The following UNC13C variants were observed in gnomAD, a reference collection of about 807,000 sequenced individuals.
The protein encoded by UNC13C is protein unc-13 homolog C.
In UNC13C, 174 loss-of-function variants were observed where a neutral mutation model predicts 245.4. That is an observed-to-expected ratio of 0.71 (90% CI 0.63 to 0.80). The LOEUF (loss-of-function observed/expected upper bound fraction) is 0.80, where lower values mean the gene tolerates loss of function less well. Among genes scored for constraint, UNC13C ranks in the 30% least tolerant of loss-of-function variants. The pLI is 0.00. For synonymous variants in UNC13C, 992 were observed against 895.1 expected (o/e 1.11, Z -1.93); for missense variants, 2,829 against 2,602.9 (o/e 1.09, Z -1.89).
intron 19 of UNC13C, among the ~76,000 whole-genome samples, chr15:54,484,681 T>G (rs1004686262): frequency 1.3e-5 from 2 of 152,114 alleles, no homozygotes; most frequent in Non-Finnish European, 2.9e-5. Context: ...AATAAGGAGA[T>G]GAAGGCAAAT....
rs1901306366 is a variant in UNC13C at position 54,628,157 on chromosome 15, G to GTAGGAGAACA, written c.*1045_*1054dup. 1 of 152,132 alleles carries GTAGGAGAACA rather than the reference G, an allele frequency of 6.6e-6. No homozygotes were observed. Among genetic ancestry groups the GTAGGAGAACA allele is most frequent in the Non-Finnish European group, 1.5e-5 (1 of 67,996 alleles). 9.4% of individuals were successfully genotyped at this position (152,132 alleles called of 1,614,324 possible). ...ATAAGCCCCAAATGCATCAAATGCA[G>GTAGGAGAACA]TAGGAGAACAATGTAATACAGCTTG... On this transcript the variant is annotated 3_prime_UTR_variant, in exon 33 of 33. Coordinates refer to ENST00000260323, the MANE Select transcript of UNC13C (RefSeq NM_001080534.3).
chr15:54,560,174 C>G (rs562420588), intron 29 of UNC13C, among the ~76,000 whole-genome samples: 18 of 151,932 alleles, frequency 1.2e-4, no homozygotes, highest in Admixed American at 7.2e-4. Context: ...AAATATGATA[C>G]AGGTGTTGGA....
chr15:53,976,883 T>C (rs1447102776), upstream of UNC13C: 1 of 152,210 alleles, frequency 6.6e-6, no homozygotes, highest in Non-Finnish European at 1.5e-5. Context: ...TCTCTATGTA[T>C]TAAAACACGT....
intron 20 of UNC13C, among the ~76,000 whole-genome samples, chr15:54,498,005 A>G (rs1225299102): frequency 1.3e-5 from 2 of 152,122 alleles, no homozygotes; most frequent in Admixed American, 6.6e-5. Context: ...CTAAATAACT[A>G]TCTGGAGATT....
At chr15:53,999,085 A>G (rs1894764585) in intron 1 of UNC13C, among the ~76,000 whole-genome samples, 1 of 151,908 alleles carries the variant, frequency 6.6e-6, no homozygotes, top group Non-Finnish European at 1.5e-5. Flanking sequence ...ATTTTTGTCA[A>G]ATTTTGAAAT....
At chr15:54,464,073 T>G (rs1343974551) in intron 19 of UNC13C, among the ~76,000 whole-genome samples, 4 of 152,184 alleles carry the variant, frequency 2.6e-5, no homozygotes, top group Non-Finnish European at 5.9e-5. Context: ...TTCTATGAAA[T>G]TTTTATCATG....
intron 19 of UNC13C, among the ~76,000 whole-genome samples, chr15:54,489,738 A>G (rs1432648327): frequency 6.6e-6 from 1 of 152,164 alleles, no homozygotes; most frequent in African/African-American, 2.4e-5. Flanking sequence ...ACTGGGGTTC[A>G]TGATGATTTC....
chr15:54,501,410 T>C (rs1277049430), intron 22 of UNC13C, among the ~76,000 whole-genome samples: 1 of 152,150 alleles, frequency 6.6e-6, no homozygotes, highest in Non-Finnish European at 1.5e-5. Flanking sequence ...ATAATTGTAA[T>C]TGAATCTCAA....
chr15:54,588,122 C>T (rs28583921), intron 30 of UNC13C, among the ~76,000 whole-genome samples: 1 of 152,120 alleles, frequency 6.6e-6, no homozygotes, highest in African/African-American at 2.4e-5. Flanking sequence ...GACCAGCAGA[C>T]TGCTGGTTGC....
chr15:54,619,109 G>T (rs969950036), intron 30 of UNC13C, among the ~76,000 whole-genome samples: 4 of 152,108 alleles, frequency 2.6e-5, no homozygotes, highest in African/African-American at 9.7e-5. Context: ...CCAAACTTAG[G>T]ACTACGACAA....
intron 2 of UNC13C, among the ~76,000 whole-genome samples, chr15:54,023,669 A>T (rs1895990761): frequency 6.6e-6 from 1 of 152,202 alleles, no homozygotes; most frequent in African/African-American, 2.4e-5. Flanking sequence ...GTTCATAAAC[A>T]CAGTTAAGTT....
intron 25 of UNC13C, among the ~76,000 whole-genome samples, chr15:54,531,734 CA>C (rs1199857485): frequency 6.6e-6 from 1 of 151,730 alleles, no homozygotes; most frequent in Non-Finnish European, 1.5e-5. Context: ...TGGTTTCTAG[CA>C]TATTCACGGA....
the UNC13C span, among the ~76,000 whole-genome samples, chr15:53,949,611 G>T: frequency 6.6e-6 from 1 of 152,024 alleles, no homozygotes; most frequent in Non-Finnish European, 1.5e-5. Context: ...CCCAGGTTTG[G>T]AGAACTATGA....
intron 4 of UNC13C, among the ~76,000 whole-genome samples, chr15:54,144,440 T>G (rs2032166652): frequency 6.6e-6 from 1 of 152,150 alleles, no homozygotes. Context: ...CTATACATAA[T>G]GACTCACTTA....
chr15:53,985,459 G>A (rs1196783776), intron 1 of UNC13C, among the ~76,000 whole-genome samples: 1 of 151,420 alleles, frequency 6.6e-6, no homozygotes, highest in Admixed American at 6.6e-5. Flanking sequence ...ATGTATACAT[G>A]TGTTAAGTAT....
intron 4 of UNC13C, among the ~76,000 whole-genome samples, chr15:54,170,326 GA>G (rs1003452929): frequency 3.3e-5 from 5 of 151,840 alleles, no homozygotes; most frequent in Admixed American, 6.6e-5. Context: ...GGAAAAAGAT[GA>G]AAAAAACAGA....
chr15:54,351,858 T>A (rs956881048), intron 17 of UNC13C, among the ~76,000 whole-genome samples: 1 of 152,054 alleles, frequency 6.6e-6, no homozygotes, highest in Non-Finnish European at 1.5e-5. Context: ...AATTAACAAA[T>A]CACTCAGTAG....
chr15:53,929,260 A>T, the UNC13C span, among the ~76,000 whole-genome samples: 1 of 152,164 alleles, frequency 6.6e-6, no homozygotes, highest in Non-Finnish European at 1.5e-5. Flanking sequence ...TCCCACCCCC[A>T]TGATTCAATT....
At chr15:53,905,432 A>ACACACACACACACACACAC in the UNC13C span, among the ~76,000 whole-genome samples, 1 of 149,320 alleles carries the variant, frequency 6.7e-6, no homozygotes, top group Non-Finnish European at 1.5e-5. Flanking sequence ...ACACACACAC[A>ACACACACACACACACACAC]ATGGAATATT....
Sources: gnomAD v4.1 joint callset for allele counts (sites outside exome capture counted in the v4.1 genomes callset) on GRCh38, gnomAD v4.1.1 for gene constraint, MANE v1.5 for transcripts, NCBI Gene and HGNC (gene_info 2026-07-23, HGNC 2026-07-21) for gene names.